The following ARB2A variants were observed in gnomAD, a reference collection of about 807,000 sequenced individuals.
The protein encoded by ARB2A is cotranscriptional regulator ARB2A.
chr5:93,739,996 GA>G, the ARB2A span: 3,907 of 62,902 alleles, frequency 0.062, 114 homozygotes, highest in African/African-American at 0.13. Flanking sequence ...AGGTAAATCA[GA>G]AAAAAAAAAA....
the ARB2A span, among the ~76,000 whole-genome samples, chr5:93,811,892 C>T: frequency 6.6e-6 from 1 of 152,122 alleles, no homozygotes; most frequent in African/African-American, 2.4e-5. Flanking sequence ...TCCTTAAAGA[C>T]ACTACTATGA....
At chr5:93,705,648 T>TGC in the ARB2A span, among the ~76,000 whole-genome samples, 3 of 144,524 alleles carry the variant, frequency 2.1e-5, no homozygotes, top group Non-Finnish European at 4.6e-5. Flanking sequence ...TGTGTGTGTG[T>TGC]GTGTATATAT....
the ARB2A span, among the ~76,000 whole-genome samples, chr5:93,714,033 C>A: frequency 6.6e-6 from 1 of 152,158 alleles, no homozygotes; most frequent in Non-Finnish European, 1.5e-5. Context: ...TAGTTCCCTG[C>A]AACTATACTA....
the ARB2A span, chr5:93,881,461 C>T: frequency 7.6e-6 from 12 of 1,583,208 alleles, no homozygotes; most frequent in Non-Finnish European, 1.0e-5. Flanking sequence ...AAGTAGTGAT[C>T]TCACTCACTC....
the ARB2A span, among the ~76,000 whole-genome samples, chr5:93,832,571 A>G: frequency 6.6e-6 from 1 of 152,166 alleles, no homozygotes; most frequent in African/African-American, 2.4e-5. Flanking sequence ...TGCTGGCCTT[A>G]GCTGAGGCAC....
chr5:93,730,050 AAATT>A, the ARB2A span, among the ~76,000 whole-genome samples: 5 of 152,208 alleles, frequency 3.3e-5, no homozygotes, highest in Admixed American at 1.3e-4. Flanking sequence ...TTCACTAAAT[AAATT>A]GTTTACTGAC....
the ARB2A span, among the ~76,000 whole-genome samples, chr5:93,919,740 C>T: frequency 4.6e-5 from 7 of 152,140 alleles, no homozygotes; most frequent in African/African-American, 1.4e-4. Flanking sequence ...TATATAAATA[C>T]TTCTCATCCT....
the ARB2A span, among the ~76,000 whole-genome samples, chr5:93,940,457 T>C: frequency 5.3e-5 from 8 of 151,978 alleles, no homozygotes; most frequent in East Asian, 1.9e-4. Context: ...TTAGTAGATA[T>C]GTCTTTTTCA....
At chr5:94,086,071 T>C in the ARB2A span, among the ~76,000 whole-genome samples, 1 of 152,202 alleles carries the variant, frequency 6.6e-6, no homozygotes, top group Non-Finnish European at 1.5e-5. Flanking sequence ...AAGTTATTGA[T>C]AGTGTTTTGA....
the ARB2A span, among the ~76,000 whole-genome samples, chr5:93,838,765 G>A: frequency 2.6e-5 from 4 of 152,112 alleles, no homozygotes; most frequent in Admixed American, 2.6e-4. Flanking sequence ...TTACTTCCCT[G>A]GTTAGTCATA....
the ARB2A span, among the ~76,000 whole-genome samples, chr5:93,755,434 G>C: frequency 6.6e-6 from 1 of 152,166 alleles, no homozygotes; most frequent in African/African-American, 2.4e-5. Context: ...ACAGCAGCAT[G>C]CAGAGGCTTG....
the ARB2A span, among the ~76,000 whole-genome samples, chr5:93,711,991 G>A: frequency 1.3e-5 from 2 of 152,200 alleles, no homozygotes; most frequent in African/African-American, 4.8e-5. Flanking sequence ...GAGAGGCTGA[G>A]AGACTAGATG....
the ARB2A span, among the ~76,000 whole-genome samples, chr5:93,700,911 T>C: frequency 6.6e-6 from 1 of 152,052 alleles, no homozygotes; most frequent in African/African-American, 2.4e-5. Flanking sequence ...CTCTGAGAGA[T>C]AAAAAATTCA....
At chr5:94,076,592 A>T in the ARB2A span, among the ~76,000 whole-genome samples, 558 of 152,360 alleles carry the variant, frequency 3.7e-3, 1 homozygote, top group African/African-American at 0.013. Context: ...ATGTCAAAAC[A>T]AACAAATATC....
chr5:93,873,031 T>C, the ARB2A span, among the ~76,000 whole-genome samples: 1 of 152,198 alleles, frequency 6.6e-6, no homozygotes, highest in Non-Finnish European at 1.5e-5. Context: ...TGCAATCTCA[T>C]GCTACTCAAC....
the ARB2A span, among the ~76,000 whole-genome samples, chr5:93,827,334 C>T: frequency 6.6e-6 from 1 of 152,206 alleles, no homozygotes; most frequent in South Asian, 2.1e-4. Context: ...ATCTGCGTTT[C>T]TCTGATGGCC....
chr5:93,823,493 T>C, the ARB2A span, among the ~76,000 whole-genome samples: 1 of 152,218 alleles, frequency 6.6e-6, no homozygotes, highest in African/African-American at 2.4e-5. Flanking sequence ...AGTTAAAGAC[T>C]ATCAAAATAT....
At chr5:93,984,143 T>G in the ARB2A span, among the ~76,000 whole-genome samples, 1 of 152,188 alleles carries the variant, frequency 6.6e-6, no homozygotes, top group African/African-American at 2.4e-5. Flanking sequence ...TATACACAAA[T>G]ATATTAGTAG....
chr5:93,622,743 G>T, the ARB2A span, among the ~76,000 whole-genome samples: 16 of 152,016 alleles, frequency 1.1e-4, no homozygotes, highest in Non-Finnish European at 2.1e-4. Flanking sequence ...TACTCATTTT[G>T]GGCAAAATTC....
Sources: gnomAD v4.1 joint callset for allele counts (sites outside exome capture counted in the v4.1 genomes callset) on GRCh38, gnomAD v4.1.1 for gene constraint, MANE v1.5 for transcripts, NCBI Gene and HGNC (gene_info 2026-07-23, HGNC 2026-07-21) for gene names.